Variants in FCRL3 observed in about 807,000 individuals in gnomAD.
FCRL3 encodes the protein Fc receptor like 3.
In FCRL3, 89 loss-of-function variants were observed where a neutral mutation model predicts 75.0. The observed-to-expected ratio is 1.19, with a 90% CI of 1.00 to 1.42. The LOEUF (loss-of-function observed/expected upper bound fraction) is 1.42. Ranked by LOEUF, FCRL3 falls within the 40% of genes most tolerant of loss-of-function variation. The pLI, the probability that FCRL3 is intolerant of heterozygous loss-of-function variation, is 0.00. For synonymous variants in FCRL3, 376 were observed against 348.5 expected (o/e 1.08, Z -0.88); for missense variants, 946 against 880.0 (o/e 1.07, Z -0.95).
chr1:157,684,942 G>A (rs1265472888), intron 10 of FCRL3, among the ~76,000 whole-genome samples: 3 of 152,136 alleles, frequency 2.0e-5, no homozygotes, highest in Non-Finnish European at 2.9e-5. Flanking sequence ...ACTTTGCTAT[G>A]AGGAGGTACA....
At chr1:157,680,883 T>C (rs1020689816) in intron 12 of FCRL3, 98 bp downstream of exon 12, 4 of 1,435,298 alleles carry the variant, frequency 2.8e-6, no homozygotes, top group African/African-American at 1.4e-5. Context: ...GCTAGGAATG[T>C]CATTTTTAAA....
In FCRL3 at chr1:157,676,972, A is replaced by C; in HGVS notation, c.*1738T>G. ...AGAAAAAAACAGCAGAATGTATCAC[A>C]TAGAAGACAGAGACATTTGCCTCCT... On this transcript the variant is annotated 3_prime_UTR_variant, in exon 15 of 15. Transcript: ENST00000368184. 7.3e-7 allele frequency: 1 copy of C among 1,372,982 alleles called. No homozygotes were observed. Among genetic ancestry groups the C allele is most frequent in the Non-Finnish European group, 9.4e-7 (1 of 1,060,798 alleles). 85.0% of individuals were successfully genotyped at this position (1,372,982 alleles called of 1,614,324 possible). A position where few individuals can be genotyped will look rare whatever the true frequency, so the allele number is the denominator to read the frequency against.
intron 3 of FCRL3, 69 bp downstream of exon 3, chr1:157,699,623 G>A (rs909926943): frequency 4.5e-6 from 7 of 1,542,734 alleles, no homozygotes; most frequent in Middle Eastern, 1.9e-4. Flanking sequence ...GCAAGGGTTA[G>A]GGCAGGCTGT....
chr1:157,699,772 C>A, intron 2 of FCRL3, 60 bp from the exon 3 acceptor site: 3 of 1,572,072 alleles, frequency 1.9e-6, no homozygotes, highest in African/African-American at 2.7e-5. Context: ...AACAACCTAA[C>A]CACAACCACT....
intron 11 of FCRL3, among the ~76,000 whole-genome samples, chr1:157,682,880 A>T (rs1654934559): frequency 6.6e-6 from 1 of 152,204 alleles, no homozygotes; most frequent in Admixed American, 6.5e-5. Context: ...TTCCCAAATG[A>T]GTGGAAGAAT....
chr1:157,697,605 T>A (rs1656021651), intron 5 of FCRL3, 54 bp downstream of exon 5: 10 of 1,565,256 alleles, frequency 6.4e-6, no homozygotes, highest in Middle Eastern at 1.8e-4. Context: ...ACATCTTCCC[T>A]TTATCCCCAG....
chr1:157,683,749 C>T (rs904740665), intron 10 of FCRL3, among the ~76,000 whole-genome samples: 1 of 152,174 alleles, frequency 6.6e-6, no homozygotes, highest in Non-Finnish European at 1.5e-5. Flanking sequence ...CAACACTGAA[C>T]TGCAAATCAT....
chr1:157,700,770 G>A, upstream of FCRL3: 2 of 1,274,004 alleles, frequency 1.6e-6, no homozygotes, highest in South Asian at 4.7e-5. Context: ...CCAAGACTGT[G>A]CCTGGGTTCT....
At position 157,690,529 on chromosome 1, in the gene FCRL3, C is replaced by G. The variant is rs139158249; in HGVS notation, c.1416G>C (p.Pro472=). Residue 472 remains proline (P), a synonymous_variant, in exon 9 of 15, where the codon CCG becomes CCC. Coordinates refer to ENST00000368184, the MANE Select transcript of FCRL3 (RefSeq NM_052939.4). ...TGAGGGTGAGGACGGGGCGAGACAC[C>G]GGAACTGAGGGAGGAAAAATAGTTC... is the stretch of plus-strand genomic sequence containing the variant. The part of the protein sequence containing the change: ...SHGVSLRVTV[P]VSRPVLTLRA... 6.3e-5 allele frequency: 101 copies of G among 1,613,324 alleles called. No individual in the cohort carries two copies. In the African/African-American group the frequency reaches 1.1e-3, roughly 17 times the overall value.
At chr1:157,698,313 C>T (rs1009542190) in intron 4 of FCRL3, 71 bp downstream of exon 4, 26 of 1,574,876 alleles carry the variant, frequency 1.7e-5, no homozygotes, top group African/African-American at 1.6e-4. Context: ...GCCTAGGATC[C>T]CTGCATTAAC....
chr1:157,695,765 CA>C, intron 7 of FCRL3, 158 bp from the exon 8 acceptor site: 1 of 976,290 alleles, frequency 1.0e-6, no homozygotes, highest in Non-Finnish European at 1.5e-6. Context: ...AGCATTTCCC[CA>C]AAACAGTGAG....
rs1372306905 is a variant in FCRL3, at chr1:157,697,257, G to C, written c.727C>G (p.Pro243Ala). The part of the protein sequence containing the change: ...QTLGLGWSRS[P>A]RLQIPAMWTE... ...CACATGGCAGGGATCTGGAGTCTGG[G>C]GGACCTGCTCCAGCCCAATCCGAGG... The change falls in exon 6 of 15, where the codon CCC becomes GCC. Residue 243 changes from proline (P) to alanine (A), a missense_variant. Pro to Ala is a conservative substitution (Grantham distance 27). Coordinates refer to ENST00000368184, the MANE Select transcript of FCRL3 (RefSeq NM_052939.4). 1 of 1,610,826 alleles carries C rather than the reference G, an allele frequency of 6.2e-7. No homozygotes were observed. Among genetic ancestry groups the C allele is most frequent in the African/African-American group, 1.3e-5 (1 of 74,806 alleles).
chr1:157,700,654 G>T lies in FCRL3; in HGVS notation c.-97+8C>A. On this transcript the variant is annotated splice_region_variant and intron_variant, in intron 1 of 14. Coordinates refer to ENST00000368184, the MANE Select transcript of FCRL3 (RefSeq NM_052939.4). The stretch of plus-strand genomic sequence containing the variant: ...TGCTTTGGGCTCTGAAAATGTGAAT[G>T]TGGCTACCTTCCTAAATGCTGTTTG... 1 of 1,479,596 alleles carries T rather than the reference G, an allele frequency of 6.8e-7. No individual in the cohort carries two copies. Among genetic ancestry groups the T allele is most frequent in the Non-Finnish European group, 9.0e-7 (1 of 1,111,366 alleles). 91.7% of individuals were successfully genotyped at this position (1,479,596 alleles called of 1,614,324 possible). A position where few individuals can be genotyped will look rare whatever the true frequency, so the allele number is the denominator to read the frequency against.
At chr1:157,691,865 A>G (rs1193922065) in intron 8 of FCRL3, 1 of 152,208 alleles carries the variant, frequency 6.6e-6, no homozygotes, top group Non-Finnish European at 1.5e-5. Flanking sequence ...GAAAAAGACC[A>G]TGGTTATTGT....
intron 8 of FCRL3, chr1:157,692,138 T>C (rs1655585095): frequency 6.6e-6 from 1 of 152,200 alleles, no homozygotes; most frequent in Admixed American, 6.5e-5. Flanking sequence ...TCTCAGCATA[T>C]GGAACATAAT....
chr1:157,695,781 A>G (rs538130744), intron 7 of FCRL3, among the ~76,000 whole-genome samples, 174 bp from the exon 8 acceptor site: 1 of 152,216 alleles, frequency 6.6e-6, no homozygotes, highest in Non-Finnish European at 1.5e-5. Flanking sequence ...AGTGAGAGGT[A>G]ATCTTGGGTA....
chr1:157,692,365 A>T (rs1268302255), intron 8 of FCRL3, among the ~76,000 whole-genome samples: 1 of 152,020 alleles, frequency 6.6e-6, no homozygotes, highest in African/African-American at 2.4e-5. Context: ...CAGCCTCCAG[A>T]GTAGCTGGGA....
In FCRL3 at chr1:157,697,729, A is replaced by G; in HGVS notation, c.489T>C (p.Cys163=). 6.2e-7 allele frequency: 1 copy of G among 1,613,948 alleles called. No homozygotes were observed. Among genetic ancestry groups the G allele is most frequent in the Non-Finnish European group, 8.5e-7 (1 of 1,179,826 alleles). ...GTATGTAAAACTTCCTATAAGCAGT[A>G]CAATGATATTTGCTATTATCCCTGG... ...SVSRDNSKYH[C]TAYRKFYILD... The change falls in exon 5 of 15, where the codon TGT becomes TGC. Residue 163 remains cysteine, a synonymous_variant. Coordinates refer to ENST00000368184, the MANE Select transcript of FCRL3 (RefSeq NM_052939.4).
chr1:157,693,808 T>G (rs538339191), intron 8 of FCRL3, among the ~76,000 whole-genome samples: 29 of 152,004 alleles, frequency 1.9e-4, no homozygotes, highest in South Asian at 8.3e-4. Flanking sequence ...AGTGCAGTTG[T>G]GCAATCTTGG....
Sources: allele counts gnomAD v4.1 joint callset (sites outside exome capture counted in the v4.1 genomes callset), GRCh38; gene constraint gnomAD v4.1.1; transcripts MANE v1.5; gene names NCBI Gene and HGNC (gene_info 2026-07-23, HGNC 2026-07-21).